The following FOXN3 variants were observed in gnomAD, a reference collection of about 807,000 sequenced individuals.
FOXN3 encodes the protein forkhead box N3, also known as forkhead box protein N3.
FOXN3 carries 7 observed loss-of-function variants against 38.4 expected under a neutral mutation model. The observed-to-expected ratio is 0.18, with a 90% CI of 0.10 to 0.34. The LOEUF is 0.34. Ranked by LOEUF, FOXN3 falls within the 10% of genes least tolerant of loss-of-function variation. The probability of loss-of-function intolerance (pLI) is 1.00; values close to 1 mark genes in which losing one functional copy is unlikely to be tolerated. For synonymous variants in FOXN3, 230 were observed against 242.2 expected (o/e 0.95, Z 0.47); for missense variants, 456 against 613.4 (o/e 0.74, Z 2.71).
intron 3 of FOXN3, among the ~76,000 whole-genome samples, chr14:89,325,435 A>G (rs1331994836): frequency 6.6e-6 from 1 of 151,674 alleles, no homozygotes; most frequent in Non-Finnish European, 1.5e-5. Context: ...TCTGCACTGT[A>G]TCATGTCAGA....
At position 89,266,377 on chromosome 14, in the gene FOXN3, T is replaced by G. The variant is rs896252165; in HGVS notation, c.745+14573A>C. ...CACCAGTCCTTATAAAAACTCCTCC[T>G]TTATGTCCTCATTTCATCTTAATTA... is the stretch of plus-strand genomic sequence containing the variant. On this transcript the variant is annotated intron_variant, in intron 4 of 5. Transcript: ENST00000557258. 2.6e-5 allele frequency among the ~76,000 whole-genome samples: 4 copies of G among 152,268 alleles called. 1 individual carries two copies. In the South Asian group the frequency reaches 8.3e-4, roughly 32 times the overall value.
chr14:89,187,381 G>A (rs1301163333), intron 4 of FOXN3, among the ~76,000 whole-genome samples: 1 of 152,220 alleles, frequency 6.6e-6, no homozygotes, highest in Non-Finnish European at 1.5e-5. Flanking sequence ...CTCATGGGCA[G>A]TGGCAGGACC....
chr14:89,259,048 G>A (rs1055077271), intron 4 of FOXN3, among the ~76,000 whole-genome samples: 5 of 152,222 alleles, frequency 3.3e-5, no homozygotes, highest in Non-Finnish European at 7.3e-5. Context: ...CTATACAACA[G>A]AATCACCTGG....
rs192278202 is a variant in FOXN3, at chr14:89,183,018, A to G, written c.746-2212T>C. 4.6e-5 allele frequency among the ~76,000 whole-genome samples: 7 copies of G among 152,370 alleles called. No homozygotes were observed. In the East Asian group the frequency reaches 1.3e-3, roughly 29 times the overall value. ...AACGATAAAACTTCCAGAAGAAAAT[A>G]TAGGAGGAAAAATAGCAATAATTCT... is the stretch of plus-strand genomic sequence containing the variant. On this transcript the variant is annotated intron_variant, in intron 4 of 5. Coordinates refer to ENST00000557258, the MANE Select transcript of FOXN3 (RefSeq NM_005197.4).
At chr14:89,278,171 A>G (rs7149191) in intron 4 of FOXN3, among the ~76,000 whole-genome samples, 73,354 of 151,984 alleles carry the variant, frequency 0.48, 19,313 homozygotes, top group African/African-American at 0.69. Flanking sequence ...ACGTGGCTGG[A>G]GAGGCCTCAC....
intron 3 of FOXN3, among the ~76,000 whole-genome samples, chr14:89,329,558 AAAC>A (rs1182998319): frequency 6.6e-6 from 1 of 152,098 alleles, no homozygotes; most frequent in Non-Finnish European, 1.5e-5. Context: ...CTCTCACAAT[AAAC>A]AATTCTCTGG....
At chr14:89,168,719 T>G (rs1887306269) in intron 5 of FOXN3, among the ~76,000 whole-genome samples, 1 of 152,122 alleles carries the variant, frequency 6.6e-6, no homozygotes, top group Non-Finnish European at 1.5e-5. Flanking sequence ...TGGCTAGAAT[T>G]TTCTAGTTTT....
intron 4 of FOXN3, among the ~76,000 whole-genome samples, chr14:89,203,345 T>C (rs1259235290): frequency 1.3e-5 from 2 of 152,216 alleles, no homozygotes. Context: ...CTCCCTTTGC[T>C]ACAGTGGACT....
At chr14:89,231,417 C>G (rs1417891551) in intron 4 of FOXN3, among the ~76,000 whole-genome samples, 1 of 152,110 alleles carries the variant, frequency 6.6e-6, no homozygotes, top group Admixed American at 6.5e-5. Flanking sequence ...CCGGCCCAGC[C>G]TCAGGAGAGG....
At chr14:89,264,398 T>G (rs1885903831) in intron 4 of FOXN3, among the ~76,000 whole-genome samples, 1 of 152,140 alleles carries the variant, frequency 6.6e-6, no homozygotes, top group Admixed American at 6.5e-5. Context: ...TGAGACTTAT[T>G]CACTAACATG....
At chr14:89,327,569 T>C (rs1225890496) in intron 3 of FOXN3, among the ~76,000 whole-genome samples, 10 of 152,202 alleles carry the variant, frequency 6.6e-5, no homozygotes, top group African/African-American at 2.4e-5. Context: ...CCTATGAAAG[T>C]TGATGAGGCT....
intron 1 of FOXN3, among the ~76,000 whole-genome samples, chr14:89,511,051 G>A (rs904310224): frequency 6.6e-6 from 1 of 152,146 alleles, no homozygotes; most frequent in Non-Finnish European, 1.5e-5. Context: ...GCGTTCATGA[G>A]TGTCCAGAAG....
chr14:89,213,012 G>C (rs1400302734), intron 4 of FOXN3, among the ~76,000 whole-genome samples: 1 of 151,004 alleles, frequency 6.6e-6, no homozygotes, highest in African/African-American at 2.5e-5. Flanking sequence ...TAGAGGGAGG[G>C]GGAATTTCCT....
At chr14:89,168,956 T>G (rs762813578) in intron 5 of FOXN3, among the ~76,000 whole-genome samples, 7 of 152,204 alleles carry the variant, frequency 4.6e-5, no homozygotes, top group Non-Finnish European at 5.9e-5. Context: ...AGAAAATAAC[T>G]GTCGATCTAG....
chr14:89,604,856 G>A (rs78303393), intron 1 of FOXN3, among the ~76,000 whole-genome samples: 4,272 of 152,292 alleles, frequency 0.028, 83 homozygotes, highest in African/African-American at 0.048. Context: ...TTTATCAGCA[G>A]TGGAAGTCAG....
In FOXN3 at chr14:89,399,819, T is replaced by C. The variant is rs116102002; in HGVS notation, c.543+12115A>G. ...TGCATCTAAACTAGTTTGGTCAGCT[T>C]ATCCATTCCCTGAAAGCAAGGAAGC... On this transcript the variant is annotated intron_variant, in intron 2 of 5. Transcript: ENST00000557258. 6.3e-3 allele frequency among the ~76,000 whole-genome samples: 953 copies of C among 152,282 alleles called. 13 individuals carry two copies. Among genetic ancestry groups the C allele is most frequent in the African/African-American group, 0.02 (851 of 41,548 alleles).
At chr14:89,184,111 G>C (rs1887742879) in intron 4 of FOXN3, 1 of 152,244 alleles carries the variant, frequency 6.6e-6, no homozygotes, top group South Asian at 2.1e-4. Flanking sequence ...ATAAGGAACA[G>C]AATGGGACAG....
At chr14:89,478,349 G>A (rs1893253886) in intron 1 of FOXN3, among the ~76,000 whole-genome samples, 1 of 152,078 alleles carries the variant, frequency 6.6e-6, no homozygotes, top group Non-Finnish European at 1.5e-5. Context: ...CCAGTCTCAG[G>A]TGTTTCTTTA....
chr14:89,483,782 T>C (rs1289955805), intron 1 of FOXN3, among the ~76,000 whole-genome samples: 6 of 152,184 alleles, frequency 3.9e-5, no homozygotes. Flanking sequence ...ACCCACATCT[T>C]TTACTATAGT....
Sources: gnomAD v4.1 joint callset for allele counts (sites outside exome capture counted in the v4.1 genomes callset) on GRCh38, gnomAD v4.1.1 for gene constraint, MANE v1.5 for transcripts, NCBI Gene and HGNC (gene_info 2026-07-23, HGNC 2026-07-21) for gene names.